Variants in TEAD1 observed in about 807,000 individuals in gnomAD.
TEAD1 encodes the protein TEA domain transcription factor 1, also known as transcriptional enhancer factor TEF-1.
In TEAD1, 9 loss-of-function variants were observed where a neutral mutation model predicts 54.9. The ratio of observed to expected loss-of-function variants is 0.16; its 90% CI spans 0.10 to 0.29. The LOEUF is 0.29. TEAD1 is among the 10% of genes least tolerant of loss of function. TEAD1 has a pLI of 1.00. For missense variants in TEAD1, 387 were observed against 535.9 expected (o/e 0.72, Z 2.74); for synonymous variants, 200 against 187.8 (o/e 1.07, Z -0.53).
chr11:12,851,788 C>T lies in TEAD1; in HGVS notation c.203-10462C>T, dbSNP rs560807679. ...CAGACTGGGCAACAGAGCAAGACTC[C>T]ATCTCCAAAAAAAGGAAAAAAAAAA... is the stretch of plus-strand genomic sequence containing the variant. On this transcript the variant is annotated intron_variant, in intron 3 of 12. Coordinates refer to ENST00000527636, the MANE Select transcript of TEAD1 (RefSeq NM_021961.6). 2.7e-3 allele frequency among the ~76,000 whole-genome samples: 410 copies of T among 150,360 alleles called. 2 individuals carry two copies. The highest frequency in any genetic ancestry group is 9.6e-3 in the African/African-American group (385 of 40,292).
chr11:12,901,903 A>G, intron 9 of TEAD1, 37 bp from the exon 10 acceptor site: 1 of 1,613,916 alleles, frequency 6.2e-7, no homozygotes. Context: ...TTGATCAAAG[A>G]GTTTGTAATG....
At chr11:12,688,985 G>A (rs1590053701) in intron 2 of TEAD1, among the ~76,000 whole-genome samples, 1 of 150,784 alleles carries the variant, frequency 6.6e-6, no homozygotes, top group South Asian at 2.1e-4. Flanking sequence ...TTCCCCTCTT[G>A]CTGGATTTCC....
chr11:12,864,617 T>TTTTG (rs1564968511), intron 4 of TEAD1: 451 of 954,900 alleles, frequency 4.7e-4, no homozygotes, highest in East Asian at 1.8e-3. Flanking sequence ...TTGATTTCCT[T>TTTTG]TTTTGTTTTG....
At chr11:12,936,923 C>T (rs769406547) in intron 12 of TEAD1, among the ~76,000 whole-genome samples, 186 bp from the exon 13 acceptor site, 11 of 152,090 alleles carry the variant, frequency 7.2e-5, no homozygotes, top group African/African-American at 9.7e-5. Context: ...ATGATAACCA[C>T]GTTTAGATGG....
intron 2 of TEAD1, among the ~76,000 whole-genome samples, chr11:12,703,597 CGTT>C (rs954807171): frequency 6.6e-6 from 1 of 152,192 alleles, no homozygotes; most frequent in Non-Finnish European, 1.5e-5. Context: ...CATCATCCTT[CGTT>C]GTTGTTCTTC....
rs533954155 is a variant in TEAD1 at position 12,788,774 on chromosome 11, A to C, written c.202+24340A>C. Reference sequence around the variant, plus strand: ...TGTAAAAAATACTGAGTAAAATGCAATGTGTGCTAAAATGCATCTATATGT... The same window carrying C: ...TGTAAAAAATACTGAGTAAAATGCACTGTGTGCTAAAATGCATCTATATGT... On this transcript the variant is annotated intron_variant, in intron 3 of 12. Coordinates refer to ENST00000527636, the MANE Select transcript of TEAD1 (RefSeq NM_021961.6). Among the ~76,000 whole-genome samples the C allele has an allele frequency of 2.6e-5, 4 of 152,256 alleles. No homozygotes were observed. In the South Asian group the frequency reaches 8.3e-4, roughly 31 times the overall value.
At chr11:12,890,583 T>C (rs758249824) in intron 9 of TEAD1, among the ~76,000 whole-genome samples, 3 of 152,218 alleles carry the variant, frequency 2.0e-5, no homozygotes, top group Non-Finnish European at 4.4e-5. Context: ...CCATGCTTAC[T>C]GTGATGATTA....
At chr11:12,815,748 C>T (rs1427826447) in intron 3 of TEAD1, among the ~76,000 whole-genome samples, 2 of 152,208 alleles carry the variant, frequency 1.3e-5, no homozygotes, top group Admixed American at 1.3e-4. Context: ...CTTCAGGACA[C>T]AGATGGGGCC....
rs747375513 is a variant in TEAD1, at chr11:12,883,025, C to T, written c.599C>T (p.Ala200Val). ...GGGTTTGAGCCTGCATCGGCCCCAG[C>T]TCCCTCAGTCCCTGCCTGGCAAGGT... The change falls in exon 9 of 13, where the codon GCT (alanine) becomes GTT (valine). Residue 200 changes from alanine (A) to valine (V), a missense_variant. By Grantham distance (64) the Ala-to-Val change is moderately conservative (BLOSUM62 0). This residue lies in a region of TEAD1 where 180 missense variants were observed against 180.6 expected (regional missense o/e 1.00). Coordinates refer to ENST00000527636, the MANE Select transcript of TEAD1 (RefSeq NM_021961.6). The T allele has an allele frequency of 1.8e-5, 29 of 1,614,086 alleles. No homozygotes were observed. In the Admixed American group the frequency reaches 4.5e-4, roughly 25 times the overall value.
intron 2 of TEAD1, among the ~76,000 whole-genome samples, chr11:12,676,984 C>CTTT (rs374979319): frequency 2.0e-5 from 3 of 149,758 alleles, no homozygotes; most frequent in African/African-American, 7.4e-5. Context: ...AATATTAGAA[C>CTTT]TTTTTTTTTT....
intron 3 of TEAD1, among the ~76,000 whole-genome samples, chr11:12,766,668 G>T (rs899269493): frequency 6.6e-6 from 1 of 152,136 alleles, no homozygotes; most frequent in African/African-American, 2.4e-5. Flanking sequence ...CTTAAATTCT[G>T]AGTGCTTCCT....
chr11:12,813,962 C>T (rs779447763), intron 3 of TEAD1, among the ~76,000 whole-genome samples: 10 of 152,106 alleles, frequency 6.6e-5, no homozygotes, highest in Non-Finnish European at 5.9e-5. Flanking sequence ...ACCACAAGTC[C>T]GAGGCCCTGA....
intron 3 of TEAD1, among the ~76,000 whole-genome samples, chr11:12,810,854 T>TA (rs1270005927): frequency 6.6e-6 from 1 of 152,202 alleles, no homozygotes; most frequent in Non-Finnish European, 1.5e-5. Context: ...TGCTGTTAGT[T>TA]AATAGTCCTT....
At chr11:12,819,704 G>A (rs952291060) in intron 3 of TEAD1, among the ~76,000 whole-genome samples, 1 of 152,084 alleles carries the variant, frequency 6.6e-6, no homozygotes, top group Admixed American at 6.5e-5. Flanking sequence ...GCCCGCCTCG[G>A]TCTCCCAAAG....
intron 5 of TEAD1, chr11:12,879,410 T>C: frequency 5.0e-6 from 3 of 595,560 alleles, no homozygotes; most frequent in Non-Finnish European, 8.9e-6. Context: ...TTCTGGAAGC[T>C]GACAAGCTAA....
intron 3 of TEAD1, among the ~76,000 whole-genome samples, chr11:12,799,059 G>A (rs1945997750): frequency 6.6e-6 from 1 of 152,182 alleles, no homozygotes; most frequent in Admixed American, 6.5e-5. Flanking sequence ...GTCCTACTGG[G>A]CTTTTCTATC....
intron 12 of TEAD1, among the ~76,000 whole-genome samples, chr11:12,930,636 T>C (rs1374535457): frequency 2.0e-5 from 3 of 152,196 alleles, no homozygotes; most frequent in Non-Finnish European, 4.4e-5. Context: ...TGGAGAACTT[T>C]TAAACATCCG....
At chr11:12,690,919 C>T (rs1035958431) in intron 2 of TEAD1, among the ~76,000 whole-genome samples, 1 of 152,140 alleles carries the variant, frequency 6.6e-6, no homozygotes, top group Admixed American at 6.5e-5. Context: ...CCATGCCTGG[C>T]TAGTTTTTTA....
At chr11:12,930,872 G>C (rs1388462558) in intron 12 of TEAD1, among the ~76,000 whole-genome samples, 1 of 152,148 alleles carries the variant, frequency 6.6e-6, no homozygotes, top group Non-Finnish European at 1.5e-5. Context: ...ATGCATTAAG[G>C]CAGGAAAATA....
Sources: gnomAD v4.1 joint callset for allele counts (sites outside exome capture counted in the v4.1 genomes callset) on GRCh38, gnomAD v4.1.1 for gene constraint, gnomAD v4.1.1 regional missense constraint, MANE v1.5 for transcripts, NCBI Gene and HGNC (gene_info 2026-07-23, HGNC 2026-07-21) for gene names.